The following CDH18 variants were observed in gnomAD, a reference collection of about 807,000 sequenced individuals.
CDH18 encodes cadherin-18.
In CDH18, 31 loss-of-function variants were observed where a neutral mutation model predicts 67.9. The observed-to-expected ratio is 0.46, with a 90% CI of 0.34 to 0.62. The LOEUF (loss-of-function observed/expected upper bound fraction) is 0.62. CDH18 is among the 20% of genes least tolerant of loss of function. CDH18 has a pLI of 0.01. For synonymous variants in CDH18, 362 were observed against 347.2 expected (o/e 1.04, Z -0.48); for missense variants, 890 against 975.5 (o/e 0.91, Z 1.17).
chr5:19,901,977 T>C (rs1480653452), intron 2 of CDH18, among the ~76,000 whole-genome samples: 2 of 152,166 alleles, frequency 1.3e-5, no homozygotes, highest in African/African-American at 2.4e-5. Context: ...ATGTTTACCA[T>C]GCGTATCATT....
intron 2 of CDH18, among the ~76,000 whole-genome samples, chr5:20,197,373 G>A (rs1739064329): frequency 6.6e-6 from 1 of 152,114 alleles, no homozygotes; most frequent in Non-Finnish European, 1.5e-5. Context: ...TGAATACAAT[G>A]TTCTAGACAA....
At chr5:20,226,885 A>T (rs1335396272) in intron 2 of CDH18, among the ~76,000 whole-genome samples, 1 of 152,166 alleles carries the variant, frequency 6.6e-6, no homozygotes, top group African/African-American at 2.4e-5. Context: ...CTTCCTTAAT[A>T]GCCTCTAAGA....
intron 3 of CDH18, among the ~76,000 whole-genome samples, chr5:19,814,863 C>G (rs1779120598): frequency 8.0e-6 from 1 of 125,724 alleles, no homozygotes. Context: ...CACACACACA[C>G]ACACACACAC....
chr5:19,630,032 G>A (rs1752180677), intron 5 of CDH18, among the ~76,000 whole-genome samples: 1 of 152,124 alleles, frequency 6.6e-6, no homozygotes, highest in Non-Finnish European at 1.5e-5. Context: ...CACCTCCCGG[G>A]TTCAAGCAAT....
chr5:19,568,679 G>A (rs1312673887), intron 8 of CDH18, among the ~76,000 whole-genome samples: 1 of 152,094 alleles, frequency 6.6e-6, no homozygotes, highest in African/African-American at 2.4e-5. Context: ...GAAAATATAG[G>A]GAGAAGAGGG....
chr5:20,239,612 C>T (rs1397205145), intron 2 of CDH18, among the ~76,000 whole-genome samples: 1 of 152,168 alleles, frequency 6.6e-6, no homozygotes, highest in Non-Finnish European at 1.5e-5. Flanking sequence ...ATATATACTA[C>T]TTTGTGCTGA....
At chr5:20,105,710 T>C (rs1237299687) in intron 2 of CDH18, among the ~76,000 whole-genome samples, 2 of 152,216 alleles carry the variant, frequency 1.3e-5, no homozygotes, top group African/African-American at 2.4e-5. Flanking sequence ...AGCATAACAT[T>C]TCTAAGATTT....
chr5:19,502,560 T>C (rs1359993371), intron 11 of CDH18: 1 of 293,634 alleles, frequency 3.4e-6, no homozygotes, highest in African/African-American at 2.2e-5. Context: ...CAAGAGGAAA[T>C]ATAATTTGTA....
chr5:20,295,862 TC>T (rs1324561970), intron 1 of CDH18, among the ~76,000 whole-genome samples: 4 of 102,608 alleles, frequency 3.9e-5, no homozygotes, highest in South Asian at 4.5e-4. Flanking sequence ...TTATTTTCTT[TC>T]TTTTTTTTCT....
chr5:19,860,144 C>A (rs1395015621), intron 2 of CDH18, among the ~76,000 whole-genome samples: 2 of 152,020 alleles, frequency 1.3e-5, no homozygotes, highest in South Asian at 2.1e-4. Context: ...TGATTCCAAC[C>A]ATTGGCAATT....
chr5:19,602,849 C>T (rs1210598988), intron 6 of CDH18, among the ~76,000 whole-genome samples: 2 of 152,046 alleles, frequency 1.3e-5, no homozygotes, highest in Non-Finnish European at 2.9e-5. Flanking sequence ...CCTGTAATCC[C>T]AGCTAATCAG....
intron 1 of CDH18, among the ~76,000 whole-genome samples, chr5:20,556,120 A>C (rs933507527): frequency 6.6e-6 from 1 of 152,138 alleles, no homozygotes; most frequent in African/African-American, 2.4e-5. Context: ...TGTTCTACAT[A>C]TCACTAATAG....
At chr5:20,046,449 G>T (rs1279767702) in intron 2 of CDH18, among the ~76,000 whole-genome samples, 1 of 151,676 alleles carries the variant, frequency 6.6e-6, no homozygotes, top group African/African-American at 2.4e-5. Context: ...GTAGTTAGAA[G>T]AGGTGTTTAT....
At chr5:20,494,857 G>A (rs1271180440) in intron 1 of CDH18, among the ~76,000 whole-genome samples, 1 of 152,108 alleles carries the variant, frequency 6.6e-6, no homozygotes, top group African/African-American at 2.4e-5. Flanking sequence ...GAGCAGAAGG[G>A]AAAACATGCT....
At chr5:19,911,868 T>G (rs996312042) in intron 2 of CDH18, among the ~76,000 whole-genome samples, 9 of 152,218 alleles carry the variant, frequency 5.9e-5, no homozygotes, top group African/African-American at 2.2e-4. Context: ...TTTAGATAAC[T>G]TGCTTGAGCT....
chr5:19,748,073 A>G (rs1354669403), intron 3 of CDH18, among the ~76,000 whole-genome samples: 12 of 130,176 alleles, frequency 9.2e-5, no homozygotes, highest in African/African-American at 3.4e-4. Flanking sequence ...AGATCGCGCC[A>G]CTGCACTCCA....
intron 11 of CDH18, among the ~76,000 whole-genome samples, chr5:19,487,646 G>C: frequency 6.6e-6 from 1 of 152,174 alleles, no homozygotes; most frequent in East Asian, 1.9e-4. Context: ...CAGAAATAGT[G>C]TTGCATGTAT....
At chr5:19,762,138 C>G (rs1772440536) in intron 3 of CDH18, among the ~76,000 whole-genome samples, 1 of 152,052 alleles carries the variant, frequency 6.6e-6, no homozygotes, top group South Asian at 2.1e-4. Flanking sequence ...CCATAAAAAC[C>G]CTAGAAGAAA....
chr5:20,297,488 G>T (rs1209799167), intron 1 of CDH18, among the ~76,000 whole-genome samples: 1 of 152,072 alleles, frequency 6.6e-6, no homozygotes, highest in Non-Finnish European at 1.5e-5. Flanking sequence ...TTTCATTGTA[G>T]CCTATGCAAC....
Sources: gnomAD v4.1 joint callset for allele counts (sites outside exome capture counted in the v4.1 genomes callset) on GRCh38, gnomAD v4.1.1 for gene constraint, MANE v1.5 for transcripts, NCBI Gene and HGNC (gene_info 2026-07-23, HGNC 2026-07-21) for gene names.